Variants in APOL4 observed in about 807,000 individuals in gnomAD.
APOL4 encodes the protein apolipoprotein L4.
In APOL4, 14 loss-of-function variants were observed where a neutral mutation model predicts 12.1. The ratio of observed to expected loss-of-function variants is 1.16; its 90% CI spans 0.76 to 1.81. The LOEUF (loss-of-function observed/expected upper bound fraction) is 1.81. Among genes scored for constraint, APOL4 ranks in the 40% most tolerant of loss-of-function variants. The pLI is 0.00. For missense variants in APOL4, 432 were observed against 423.1 expected, an observed-to-expected ratio of 1.02 and a Z score of -0.18; for synonymous variants, 171 against 160.6, an observed-to-expected ratio of 1.06 and a Z score of -0.49.
At position 36,195,348 on chromosome 22, in the gene APOL4, C is replaced by T. The variant is rs763311891; in HGVS notation, c.172G>A (p.Ala58Thr). ...HLKILLTSDEAWKRFVRVAEL... is the reference protein window; with the variant it reads ...HLKILLTSDETWKRFVRVAEL... The stretch of plus-strand genomic sequence containing the variant: ...GCCACACGCACAAATCTCTTCCAGG[C>T]TTCATCGCTAGTCAGCAGGATTTTC... Residue 58 changes from alanine to threonine, a missense_variant, in exon 3 of 4, where the codon GCC (alanine) becomes ACC (threonine). Coordinates refer to ENST00000683024, the MANE Select transcript of APOL4 (RefSeq NM_001386885.1). 17 of 1,613,750 alleles carry T rather than the reference C, an allele frequency of 1.1e-5. No homozygotes were observed. Among genetic ancestry groups the T allele is most frequent in the Middle Eastern group, 1.6e-4 (1 of 6,078 alleles).
upstream of APOL4, among the ~76,000 whole-genome samples, chr22:36,202,455 C>T (rs146242572): frequency 3.0e-3 from 461 of 152,272 alleles, 5 homozygotes; most frequent in African/African-American, 0.01. Flanking sequence ...AGGCCGGGAG[C>T]GGTGGCTCAC....
intron 2 of APOL4, chr22:36,197,844 A>T: frequency 6.5e-7 from 1 of 1,544,548 alleles, no homozygotes; most frequent in East Asian, 2.4e-5. Context: ...GACAAACAGG[A>T]AGTGGCCAAT....
At chr22:36,200,102 G>A (rs1030652306) in intron 1 of APOL4, among the ~76,000 whole-genome samples, 1 of 152,110 alleles carries the variant, frequency 6.6e-6, no homozygotes, top group Non-Finnish European at 1.5e-5. Context: ...CGGTCGCGCC[G>A]GGCCTGTGAT....
chr22:36,197,406 C>G, intron 2 of APOL4: 1 of 486,886 alleles, frequency 2.1e-6, no homozygotes. Context: ...TTTCTTTTTC[C>G]TTCTTCACCA....
At chr22:36,193,398 A>T in intron 3 of APOL4, among the ~76,000 whole-genome samples, 1 of 152,078 alleles carries the variant, frequency 6.6e-6, no homozygotes, top group East Asian at 1.9e-4. Flanking sequence ...GGTTGGCAAC[A>T]CCCCATGTGT....
upstream of APOL4, among the ~76,000 whole-genome samples, chr22:36,202,457 G>T (rs2014611678): frequency 6.6e-6 from 1 of 152,192 alleles, no homozygotes; most frequent in South Asian, 2.1e-4. Flanking sequence ...GCCGGGAGCG[G>T]TGGCTCACGC....
rs373464413 is a variant in APOL4, at chr22:36,191,752, G to A, written c.370C>T (p.Arg124Cys). 72 of 1,613,962 alleles carry A rather than the reference G, an allele frequency of 4.5e-5. No individual in the cohort carries two copies. Among genetic ancestry groups the A allele is most frequent in the East Asian group, 8.9e-5 (4 of 44,880 alleles). ...TTTTCAATCTCATTTGCAATGACAC[G>A]AAGCCTTTCTATGGACTCCTGAATC... ...WKIQESIERL[R>C]VIANEIEKVH... is the part of the protein sequence containing the mutation. Residue 124 changes from arginine (R) to cysteine (C), a missense_variant, in exon 4 of 4, where the codon CGT becomes TGT. Arg to Cys is a radical substitution (Grantham distance 180). Coordinates refer to ENST00000683024, the MANE Select transcript of APOL4 (RefSeq NM_001386885.1).
chr22:36,201,724 C>A lies in APOL4; in HGVS notation c.11G>T (p.Trp4Leu). The stretch of plus-strand genomic sequence containing the variant: ...CCCGACGCTTGTGATGAGCTGCACC[C>A]AGGATCCCATCCTCCTTGGTCATTG... The part of the protein sequence containing the change: MGS[W>L]VQLITSVGVQ... Residue 4 changes from tryptophan (W) to leucine (L), a missense_variant, in exon 1 of 4, where the codon TGG becomes TTG. Coordinates refer to ENST00000683024, the MANE Select transcript of APOL4 (RefSeq NM_001386885.1). 6.2e-7 allele frequency: 1 copy of A among 1,608,446 alleles called. No homozygotes were observed. Among genetic ancestry groups the A allele is most frequent in the Non-Finnish European group, 8.5e-7 (1 of 1,177,692 alleles).
Position 36,191,857 on chromosome 22 carries a change from T to C in APOL4, c.265A>G (p.Ile89Val). The C allele has an allele frequency of 6.2e-7, 1 of 1,612,752 alleles. No homozygotes were observed. The highest frequency in any genetic ancestry group is 8.5e-7 in the Non-Finnish European group (1 of 1,179,900). The change falls in exon 4 of 4, where the codon ATT (isoleucine) becomes GTT (valine). Residue 89 changes from isoleucine (I) to valine (V), a missense_variant. By Grantham distance (29) the Ile-to-Val change is conservative (BLOSUM62 3). Coordinates refer to ENST00000683024, the MANE Select transcript of APOL4 (RefSeq NM_001386885.1). ...TTTTGCTGCATGTCTTTGTCCTCAA[T>C]AGCCACATATGGTGTAAGATTCTTC... ...ALKNLTPYVA[I>V]EDKDMQQKEQ...
rs368790369 is a variant in APOL4 at position 36,191,355 on chromosome 22, C to T, written c.767G>A (p.Arg256His). The change falls in exon 4 of 4, where the codon CGC becomes CAC. Residue 256 changes from arginine to histidine, a missense_variant. Arg to His is a conservative substitution (Grantham distance 29, BLOSUM62 0). Transcript: ENST00000683024. ...TLRRSKATVG[R>H]PLIAWRYVPI... is the part of the protein sequence containing the mutation. ...TACATATCGCCAAGCAATCAAAGGG[C>T]GTCCAACAGTGGCTTTAGATCTCCT... 4.4e-5 allele frequency: 71 copies of T among 1,614,040 alleles called. No individual in the cohort carries two copies. Among genetic ancestry groups the T allele is most frequent in the Middle Eastern group, 3.3e-4 (2 of 6,062 alleles).
chr22:36,197,063 G>A (rs772395440), intron 2 of APOL4, among the ~76,000 whole-genome samples: 1 of 152,204 alleles, frequency 6.6e-6, no homozygotes. Flanking sequence ...CAGGGTACAC[G>A]GCTCCCCACT....
chr22:36,202,398 T>A (rs557563127), upstream of APOL4, among the ~76,000 whole-genome samples: 3 of 152,350 alleles, frequency 2.0e-5, no homozygotes, highest in African/African-American at 7.2e-5. Context: ...GCTTCAGCTA[T>A]AGTGCTTTCT....
Position 36,199,355 on chromosome 22 carries a change from G to C in APOL4, c.57C>G (p.Gly19=). The C allele has an allele frequency of 6.2e-7, 1 of 1,614,102 alleles. No individual in the cohort carries two copies. The highest frequency in any genetic ancestry group is 8.5e-7 in the Non-Finnish European group (1 of 1,179,924). ...TSVGVQQNHP[G]WTVAGQFQEK... ...CTTGGAACTGTCCAGCCACTGTCCA[G>C]CCTGGATGGTTTTGCTGCACCCTTG... is the stretch of plus-strand genomic sequence containing the variant. Residue 19 remains glycine, a synonymous_variant, in exon 2 of 4, where the codon GGC becomes GGG. Coordinates refer to ENST00000683024, the MANE Select transcript of APOL4 (RefSeq NM_001386885.1).
chr22:36,195,217 C>T (rs995428091), intron 3 of APOL4, 94 bp downstream of exon 3: 5 of 1,482,034 alleles, frequency 3.4e-6, no homozygotes, highest in Non-Finnish European at 4.5e-6. Flanking sequence ...GAGGGGGCTG[C>T]CTGGAGGAGG....
chr22:36,194,166 C>A (rs1435296573), intron 3 of APOL4, among the ~76,000 whole-genome samples: 2 of 152,180 alleles, frequency 1.3e-5, no homozygotes, highest in Admixed American at 6.5e-5. Context: ...CTCGTCCCCA[C>A]TCTGGAAGTT....
chr22:36,192,952 T>C (rs887358455), intron 3 of APOL4, among the ~76,000 whole-genome samples: 2 of 152,152 alleles, frequency 1.3e-5, no homozygotes, highest in African/African-American at 4.8e-5. Flanking sequence ...AGTTGGGCGG[T>C]TCTGAGCCTC....
At position 36,199,319 on chromosome 22, in the gene APOL4, G is replaced by A. The variant is rs1029334195; in HGVS notation, c.82+11C>T. On this transcript the variant is annotated intron_variant, in intron 2 of 3. Coordinates refer to ENST00000683024, the MANE Select transcript of APOL4 (RefSeq NM_001386885.1). ...CGAGCCTACCAGCAGCCAGGTCTCT[G>A]AAAGGCTTACCTTGGAACTGTCCAG... 1.2e-6 allele frequency: 2 copies of A among 1,614,020 alleles called. No individual in the cohort carries two copies. Among genetic ancestry groups the A allele is most frequent in the East Asian group, 4.5e-5 (2 of 44,902 alleles).
chr22:36,204,314 C>G (rs2014667470), upstream of APOL4, among the ~76,000 whole-genome samples: 1 of 152,190 alleles, frequency 6.6e-6, no homozygotes, highest in South Asian at 2.1e-4. Context: ...ATGGGCACCC[C>G]CAACACAAAC....
chr22:36,200,725 A>G (rs132718), intron 1 of APOL4, among the ~76,000 whole-genome samples: 132,061 of 152,298 alleles, frequency 0.87, 57,597 homozygotes, highest in East Asian at 0.97. Context: ...GAGCCACACT[A>G]CATGCAAATT....
Sources: gnomAD v4.1 joint callset for allele counts (sites outside exome capture counted in the v4.1 genomes callset) on GRCh38, gnomAD v4.1.1 for gene constraint, MANE v1.5 for transcripts, NCBI Gene and HGNC (gene_info 2026-07-23, HGNC 2026-07-21) for gene names.